The following GIPC2 variants were observed in gnomAD, a reference collection of about 807,000 sequenced individuals.
GIPC2 encodes the protein GIPC PDZ domain containing family member 2, also known as PDZ domain-containing protein GIPC2.
GIPC2 carries 30 observed loss-of-function variants against 30.6 expected under a neutral mutation model. That is an observed-to-expected ratio of 0.98 (90% CI 0.73 to 1.33). GIPC2 has a LOEUF of 1.33. Ranked by LOEUF, GIPC2 falls within the 40% of genes most tolerant of loss-of-function variation. GIPC2 has a pLI of 0.00. For missense variants in GIPC2, 414 were observed against 390.3 expected (o/e 1.06, Z -0.51); for synonymous variants, 167 against 150.0 (o/e 1.11, Z -0.83).
chr1:78,046,099 C>T lies in GIPC2; in HGVS notation c.5C>T (p.Pro2Leu). M[P>L]LKLRGKKKAK... ...CCGCGCTCTCGGCCCTGCAAGATGC[C>T]CCTGAAGCTGCGGGGGAAGAAGAAG... Residue 2 changes from proline to leucine, a missense_variant, in exon 1 of 6, where the codon CCC becomes CTC. By Grantham distance (98) the Pro-to-Leu change is moderately conservative. Coordinates refer to ENST00000370759, the MANE Select transcript of GIPC2 (RefSeq NM_017655.6). 6.8e-7 allele frequency: 1 copy of T among 1,466,034 alleles called. No homozygotes were observed. The highest frequency in any genetic ancestry group is 1.4e-5 in the South Asian group (1 of 70,692). 90.8% of individuals were successfully genotyped at this position (1,466,034 alleles called of 1,614,324 possible). A position where few individuals can be genotyped will look rare whatever the true frequency, so the allele number is the denominator to read the frequency against.
chr1:78,079,633 A>G (rs996455411), intron 1 of GIPC2, among the ~76,000 whole-genome samples: 3 of 152,222 alleles, frequency 2.0e-5, no homozygotes, highest in African/African-American at 7.2e-5. Context: ...TGATTTCGGC[A>G]TGAAACAGCC....
At chr1:78,104,710 A>G (rs1367730296) in intron 3 of GIPC2, among the ~76,000 whole-genome samples, 1 of 152,196 alleles carries the variant, frequency 6.6e-6, no homozygotes, top group Non-Finnish European at 1.5e-5. Flanking sequence ...CAAGATTTCT[A>G]TCCTAGGAGC....
chr1:78,135,527 C>A, intron 5 of GIPC2, 65 bp from the exon 6 acceptor site: 1 of 928,906 alleles, frequency 1.1e-6, no homozygotes. Flanking sequence ...TTTCCTGTTG[C>A]CATTTTTCTC....
intron 1 of GIPC2, among the ~76,000 whole-genome samples, chr1:78,062,471 TGAG>T (rs939506867): frequency 2.0e-5 from 3 of 151,874 alleles, no homozygotes; most frequent in African/African-American, 7.3e-5. Flanking sequence ...TCTTAAGAAT[TGAG>T]GAGAAGGGAA....
At chr1:78,129,858 C>T (rs1365904812) in intron 5 of GIPC2, among the ~76,000 whole-genome samples, 1 of 152,128 alleles carries the variant, frequency 6.6e-6, no homozygotes, top group African/African-American at 2.4e-5. Context: ...TTTAGGAGAT[C>T]ATCCAAGCAA....
intron 1 of GIPC2, among the ~76,000 whole-genome samples, chr1:78,069,566 C>A (rs905835196): frequency 6.6e-6 from 1 of 151,444 alleles, no homozygotes; most frequent in African/African-American, 2.4e-5. Flanking sequence ...CTCTGCCTCC[C>A]AGGTTCAAGT....
chr1:78,051,528 T>A (rs1195150071), intron 1 of GIPC2, among the ~76,000 whole-genome samples: 2 of 151,706 alleles, frequency 1.3e-5, no homozygotes, highest in African/African-American at 4.8e-5. Flanking sequence ...TGAAATGGAG[T>A]CTCACTCTGT....
intron 1 of GIPC2, among the ~76,000 whole-genome samples, chr1:78,055,774 A>G (rs1661284194): frequency 6.6e-6 from 1 of 152,164 alleles, no homozygotes; most frequent in African/African-American, 2.4e-5. Context: ...GCTCCAGCCT[A>G]CAGGGTCATG....
chr1:78,106,072 A>G (rs1014606273), intron 3 of GIPC2, among the ~76,000 whole-genome samples: 3 of 151,466 alleles, frequency 2.0e-5, no homozygotes, highest in Non-Finnish European at 4.4e-5. Flanking sequence ...CCTCTCTACT[A>G]AAAATGCAAA....
intron 4 of GIPC2, among the ~76,000 whole-genome samples, chr1:78,125,550 T>A (rs1277895275): frequency 6.6e-6 from 1 of 152,220 alleles, no homozygotes; most frequent in African/African-American, 2.4e-5. Context: ...CTTCCTCCCC[T>A]GTGATGCTTC....
intron 1 of GIPC2, among the ~76,000 whole-genome samples, chr1:78,072,460 G>A (rs1341357313): frequency 2.0e-5 from 3 of 151,938 alleles, no homozygotes; most frequent in Admixed American, 6.6e-5. Context: ...AAGACACTCA[G>A]CTTTTTGGAA....
intron 1 of GIPC2, among the ~76,000 whole-genome samples, chr1:78,070,239 G>A (rs1405490234): frequency 6.6e-6 from 1 of 151,938 alleles, no homozygotes; most frequent in Admixed American, 6.6e-5. Context: ...TAATTATAAT[G>A]TATAATTATG....
intron 3 of GIPC2, among the ~76,000 whole-genome samples, chr1:78,105,433 C>T (rs1257076383): frequency 3.3e-5 from 5 of 151,856 alleles, no homozygotes; most frequent in South Asian, 4.2e-4. Context: ...ACTACAGACA[C>T]GCACCACCAC....
intron 1 of GIPC2, among the ~76,000 whole-genome samples, chr1:78,059,141 C>G (rs529991110): frequency 6.6e-6 from 1 of 152,310 alleles, no homozygotes; most frequent in Admixed American, 6.5e-5. Flanking sequence ...CTGGGCTTCA[C>G]CCCTACAGAT....
chr1:78,115,803 T>C (rs1662557103), intron 3 of GIPC2, among the ~76,000 whole-genome samples: 1 of 152,232 alleles, frequency 6.6e-6, no homozygotes, highest in Admixed American at 6.5e-5. Context: ...TACATGCTAA[T>C]TTTTAATAAT....
upstream of GIPC2, chr1:78,045,699 A>G: frequency 1.0e-6 from 1 of 985,486 alleles, no homozygotes; most frequent in Middle Eastern, 5.2e-4. Context: ...CTGTGGCCAA[A>G]TCATGCGTGG....
chr1:78,120,220 G>GT (rs1371369051), intron 4 of GIPC2, among the ~76,000 whole-genome samples: 1 of 152,140 alleles, frequency 6.6e-6, no homozygotes, highest in East Asian at 1.9e-4. Context: ...ACCGAACTCC[G>GT]TATTTCTTCT....
intron 3 of GIPC2, among the ~76,000 whole-genome samples, chr1:78,109,288 G>A (rs538002748): frequency 6.6e-6 from 1 of 152,308 alleles, no homozygotes; most frequent in South Asian, 2.1e-4. Flanking sequence ...GTTTGGCTTA[G>A]CCCATTCTTG....
intron 2 of GIPC2, among the ~76,000 whole-genome samples, chr1:78,084,383 C>T (rs189951121): frequency 6.4e-4 from 97 of 151,912 alleles, no homozygotes; most frequent in Non-Finnish European, 2.6e-4. Context: ...GTGTGGTGCA[C>T]ACCTGTAATT....
Sources: allele counts gnomAD v4.1 joint callset (sites outside exome capture counted in the v4.1 genomes callset), GRCh38; gene constraint gnomAD v4.1.1; transcripts MANE v1.5; gene names NCBI Gene and HGNC (gene_info 2026-07-23, HGNC 2026-07-21).